FSTL4: variants seen among roughly 807,000 people sequenced by gnomAD.
The protein encoded by FSTL4 is follistatin-related protein 4.
FSTL4 carries 28 observed loss-of-function variants against 78.2 expected under a neutral mutation model. The ratio of observed to expected loss-of-function variants is 0.36; its 90% CI spans 0.27 to 0.49. FSTL4 has a LOEUF of 0.49. FSTL4 is among the 20% of genes least tolerant of loss of function. The probability of loss-of-function intolerance (pLI) is 0.98; values close to 1 mark genes in which losing one functional copy is unlikely to be tolerated. For missense variants in FSTL4, 922 were observed against 1,084.9 expected, an observed-to-expected ratio of 0.85 and a Z score of 2.11; for synonymous variants, 422 against 440.5, an observed-to-expected ratio of 0.96 and a Z score of 0.53.
chr5:133,451,536 G>A (rs1438472932), intron 3 of FSTL4, among the ~76,000 whole-genome samples: 1 of 152,150 alleles, frequency 6.6e-6, no homozygotes, highest in Non-Finnish European at 1.5e-5. Context: ...ACTCTAGCCT[G>A]GGCAACAAGA....
chr5:133,634,387 TC>T, the FSTL4 span, among the ~76,000 whole-genome samples: 2 of 134,418 alleles, frequency 1.5e-5, no homozygotes, highest in South Asian at 4.6e-4. Context: ...CTTTTCTCTC[TC>T]TCTCTTTTTT....
At chr5:133,727,924 G>A in the FSTL4 span, among the ~76,000 whole-genome samples, 1 of 152,206 alleles carries the variant, frequency 6.6e-6, no homozygotes, top group African/African-American at 2.4e-5. Flanking sequence ...ACTAGGAACT[G>A]AGGGTAGTGG....
chr5:133,814,204 T>C, the FSTL4 span, among the ~76,000 whole-genome samples: 7 of 152,208 alleles, frequency 4.6e-5, no homozygotes, highest in African/African-American at 1.4e-4. Context: ...GCAGTGAGTT[T>C]TTCCTGAGGG....
chr5:133,282,247 G>A (rs1045596485), intron 6 of FSTL4, among the ~76,000 whole-genome samples: 1 of 152,120 alleles, frequency 6.6e-6, no homozygotes, highest in East Asian at 1.9e-4. Flanking sequence ...GAAACAGTAT[G>A]TGCCCTTCTG....
At chr5:133,593,711 C>T (rs539604797) in intron 2 of FSTL4, among the ~76,000 whole-genome samples, 13 of 152,236 alleles carry the variant, frequency 8.5e-5, no homozygotes, top group African/African-American at 3.1e-4. Context: ...TTAAGATGTA[C>T]TTCTTTCTAA....
At chr5:133,540,720 C>CAAAAAAAAAAAAAAAAAAAGA (rs1759449952) in intron 3 of FSTL4, among the ~76,000 whole-genome samples, 1 of 70,266 alleles carries the variant, frequency 1.4e-5, no homozygotes, top group Admixed American at 1.7e-4. Flanking sequence ...TTAACATAGG[C>CAAAAAAAAAAAAAAAAAAAGA]AAAAAAAAAA....
At chr5:133,277,749 T>A (rs1021417961) in intron 6 of FSTL4, among the ~76,000 whole-genome samples, 4 of 152,008 alleles carry the variant, frequency 2.6e-5, no homozygotes, top group Admixed American at 2.6e-4. Flanking sequence ...CTCTGGGGGA[T>A]CCTGGGGCCC....
chr5:133,275,342 C>G (rs1752857129), intron 6 of FSTL4, among the ~76,000 whole-genome samples: 1 of 151,514 alleles, frequency 6.6e-6, no homozygotes, highest in Admixed American at 6.6e-5. Context: ...GGCAGATCAT[C>G]TGAGGTCAGG....
chr5:133,642,671 G>C, the FSTL4 span, among the ~76,000 whole-genome samples: 1 of 152,184 alleles, frequency 6.6e-6, no homozygotes, highest in Non-Finnish European at 1.5e-5. Flanking sequence ...CCCAACCTAG[G>C]TTAAGGAGCA....
the FSTL4 span, among the ~76,000 whole-genome samples, chr5:133,764,555 C>A: frequency 6.6e-6 from 1 of 152,050 alleles, no homozygotes; most frequent in African/African-American, 2.4e-5. Flanking sequence ...CTTTCTCCCC[C>A]AAAACAATGC....
intron 3 of FSTL4, among the ~76,000 whole-genome samples, chr5:133,504,331 A>C (rs1758567462): frequency 6.6e-6 from 1 of 152,136 alleles, no homozygotes; most frequent in South Asian, 2.1e-4. Context: ...ACCATATCTG[A>C]TCAAAACGCT....
At chr5:133,308,352 A>G (rs1026870726) in intron 6 of FSTL4, among the ~76,000 whole-genome samples, 2 of 152,208 alleles carry the variant, frequency 1.3e-5, no homozygotes, top group African/African-American at 4.8e-5. Flanking sequence ...GATGAACCCC[A>G]TGCTATTTAA....
the FSTL4 span, among the ~76,000 whole-genome samples, chr5:133,704,905 A>G: frequency 3.4e-3 from 520 of 152,366 alleles, 5 homozygotes; most frequent in African/African-American, 0.012. Flanking sequence ...CATCTGTGAT[A>G]TGGAAACATG....
chr5:133,773,112 A>G, the FSTL4 span, among the ~76,000 whole-genome samples: 2,648 of 152,244 alleles, frequency 0.017, 74 homozygotes, highest in African/African-American at 0.061. Flanking sequence ...GGAAAAAATT[A>G]TAACACAAAC....
intron 3 of FSTL4, among the ~76,000 whole-genome samples, chr5:133,476,119 C>T (rs1757921144): frequency 6.6e-6 from 1 of 152,156 alleles, no homozygotes; most frequent in African/African-American, 2.4e-5. Context: ...AAGAGAGAGG[C>T]TGCTGGGGCA....
At chr5:133,422,281 A>G (rs1022651435) in intron 3 of FSTL4, among the ~76,000 whole-genome samples, 1 of 152,078 alleles carries the variant, frequency 6.6e-6, no homozygotes, top group African/African-American at 2.4e-5. Context: ...GTACGATATG[A>G]TCTATGTTCT....
intron 12 of FSTL4, among the ~76,000 whole-genome samples, chr5:133,218,416 C>T (rs1022876101): frequency 6.6e-5 from 10 of 152,326 alleles, no homozygotes; most frequent in South Asian, 6.2e-4. Flanking sequence ...CTTGACCCAG[C>T]GGCCACAGGG....
chr5:133,538,557 C>CT (rs77795091), intron 3 of FSTL4, among the ~76,000 whole-genome samples: 96 of 146,894 alleles, frequency 6.5e-4, no homozygotes, highest in Middle Eastern at 3.4e-3. Flanking sequence ...TCTGCTGAGA[C>CT]TTTTTTTTTT....
intron 2 of FSTL4, among the ~76,000 whole-genome samples, chr5:133,596,319 G>T (rs1382174139): frequency 1.3e-5 from 2 of 152,220 alleles, no homozygotes; most frequent in African/African-American, 4.8e-5. Flanking sequence ...CACCTCTGAG[G>T]CTAGGCCAAC....
Sources: allele counts gnomAD v4.1 joint callset (sites outside exome capture counted in the v4.1 genomes callset), GRCh38; gene constraint gnomAD v4.1.1; transcripts MANE v1.5; gene names NCBI Gene and HGNC (gene_info 2026-07-23, HGNC 2026-07-21).